NRXN1: variants seen among roughly 807,000 people sequenced by gnomAD.
NRXN1 encodes neurexin-1.
Under a neutral mutation model 150.9 loss-of-function variants are expected in NRXN1, and 39 were observed. That is an observed-to-expected ratio of 0.26 (90% CI 0.20 to 0.34). NRXN1 has a LOEUF of 0.34. Among genes scored for constraint, NRXN1 ranks in the 10% least tolerant of loss-of-function variants. The pLI, the probability that NRXN1 is intolerant of heterozygous loss-of-function variation, is 1.00. For synonymous variants in NRXN1, 924 were observed against 757.0 expected, an observed-to-expected ratio of 1.22 and a Z score of -3.62; for missense variants, 1,815 against 1,949.9, an observed-to-expected ratio of 0.93 and a Z score of 1.30.
chr2:49,939,450 T>C (rs1339708507), intron 22 of NRXN1, among the ~76,000 whole-genome samples: 1 of 152,172 alleles, frequency 6.6e-6, no homozygotes, highest in East Asian at 1.9e-4. Context: ...TTTTGTATTC[T>C]GAAGCCATCC....
chr2:51,028,079 G>T lies in NRXN1; in HGVS notation c.195C>A (p.Gly65=). 1 of 1,589,896 alleles carries T rather than the reference G, an allele frequency of 6.3e-7. No homozygotes were observed. Among genetic ancestry groups the T allele is most frequent in the Non-Finnish European group, 8.5e-7 (1 of 1,171,464 alleles). Residue 65 remains glycine (G), a synonymous_variant, in exon 2 of 23, where the codon GGC becomes GGA. Coordinates refer to ENST00000401669, the MANE Select transcript of NRXN1 (RefSeq NM_001330078.2). ...SFQLKTRSAR[G]LVLYFDDEGF... is the part of the protein sequence containing the mutation. ...CCTCGTCGTCGAAGTAGAGCACGAG[G>T]CCGCGGGCGCTGCGAGTCTTGAGCT...
chr2:50,517,504 CA>C (rs907014927), intron 12 of NRXN1, among the ~76,000 whole-genome samples: 3 of 152,036 alleles, frequency 2.0e-5, no homozygotes, highest in African/African-American at 7.2e-5. Context: ...TGCCTCCATT[CA>C]CTAAGAAAGG....
chr2:50,812,599 T>A (rs1668367783), intron 5 of NRXN1, among the ~76,000 whole-genome samples: 1 of 151,932 alleles, frequency 6.6e-6, no homozygotes, highest in Non-Finnish European at 1.5e-5. Flanking sequence ...CACAATTTAA[T>A]TTGGGTAGAT....
At chr2:50,682,724 G>A (rs1690588804) in intron 5 of NRXN1, among the ~76,000 whole-genome samples, 1 of 152,036 alleles carries the variant, frequency 6.6e-6, no homozygotes, top group Non-Finnish European at 1.5e-5. Context: ...TATTTCCAAG[G>A]GCCTAGCAAG....
chr2:50,575,197 T>C (rs1671233857), intron 8 of NRXN1, among the ~76,000 whole-genome samples: 1 of 152,306 alleles, frequency 6.6e-6, no homozygotes. Context: ...CAGTGCCTTT[T>C]CCCCCTCACA....
At chr2:50,676,428 G>C (rs1172504510) in intron 5 of NRXN1, among the ~76,000 whole-genome samples, 2 of 152,156 alleles carry the variant, frequency 1.3e-5, no homozygotes, top group African/African-American at 2.4e-5. Context: ...TAAGAGGATA[G>C]GTTTTAGCGT....
intron 17 of NRXN1, among the ~76,000 whole-genome samples, chr2:50,360,905 C>G (rs1472842406): frequency 6.6e-6 from 1 of 152,088 alleles, no homozygotes; most frequent in Non-Finnish European, 1.5e-5. Context: ...GAAATCATAA[C>G]AAACAGTCTC....
rs539988445 is a variant in NRXN1, at chr2:50,927,736, G to C, written c.773-1781C>G. ...TATGTATTGTAAAATAATAAAATCA[G>C]GGAATTTAGAGGAGAGTCATGTGCC... On this transcript the variant is annotated intron_variant, in intron 2 of 22. Transcript: ENST00000401669. Among the ~76,000 whole-genome samples the C allele has an allele frequency of 1.7e-3, 253 of 152,046 alleles. 1 individual carries two copies. The highest frequency in any genetic ancestry group is 6.0e-3 in the African/African-American group (248 of 41,528).
chr2:50,554,298 G>A (rs191864350), intron 8 of NRXN1: 10 of 152,214 alleles, frequency 6.6e-5, no homozygotes, highest in African/African-American at 2.2e-4. Flanking sequence ...CCAAGACAAC[G>A]CAGCAGTTAT....
intron 17 of NRXN1, among the ~76,000 whole-genome samples, chr2:50,353,455 T>G (rs1047331668): frequency 2.0e-5 from 3 of 152,106 alleles, no homozygotes; most frequent in African/African-American, 4.8e-5. Flanking sequence ...CGTGACAACA[T>G]GAGACTGGAG....
chr2:51,004,591 C>A (rs77851517), intron 2 of NRXN1, among the ~76,000 whole-genome samples: 1 of 151,848 alleles, frequency 6.6e-6, no homozygotes, highest in South Asian at 2.1e-4. Context: ...TGCAGTGAGC[C>A]GAGATCATGT....
At chr2:50,688,291 A>G (rs746006668) in intron 5 of NRXN1, among the ~76,000 whole-genome samples, 1 of 152,168 alleles carries the variant, frequency 6.6e-6, no homozygotes, top group Non-Finnish European at 1.5e-5. Context: ...ATATCAATAC[A>G]TCACCACCAC....
chr2:50,787,150 G>A (rs533702680), intron 5 of NRXN1, among the ~76,000 whole-genome samples: 3 of 152,114 alleles, frequency 2.0e-5, no homozygotes, highest in Admixed American at 1.3e-4. Context: ...GGAGAGCTTC[G>A]TGAAGAGGAT....
At chr2:50,947,882 G>C (rs1205659294) in intron 2 of NRXN1, among the ~76,000 whole-genome samples, 1 of 151,840 alleles carries the variant, frequency 6.6e-6, no homozygotes, top group Non-Finnish European at 1.5e-5. Flanking sequence ...ATCACGCTGA[G>C]TATCAATTTG....
intron 17 of NRXN1, among the ~76,000 whole-genome samples, chr2:50,369,911 G>T (rs2079889110): frequency 6.6e-6 from 1 of 151,948 alleles, no homozygotes; most frequent in Non-Finnish European, 1.5e-5. Context: ...TGTGAACTAA[G>T]CAAATTAGAG....
At chr2:50,133,361 G>A (rs1247232514) in intron 18 of NRXN1, among the ~76,000 whole-genome samples, 1 of 141,498 alleles carries the variant, frequency 7.1e-6, no homozygotes, top group African/African-American at 2.6e-5. Flanking sequence ...GAGGTCTGAA[G>A]AAAACTTAAT....
intron 2 of NRXN1, among the ~76,000 whole-genome samples, chr2:50,950,944 T>C (rs1369611927): frequency 6.6e-6 from 1 of 152,216 alleles, no homozygotes; most frequent in Non-Finnish European, 1.5e-5. Context: ...GTCATGGCTG[T>C]TTGGAAAGCT....
chr2:49,997,342 T>C (rs1198253287), intron 21 of NRXN1, among the ~76,000 whole-genome samples: 1 of 152,184 alleles, frequency 6.6e-6, no homozygotes, highest in Non-Finnish European at 1.5e-5. Flanking sequence ...TCAGGGTATT[T>C]TGACATAGGT....
At chr2:50,247,433 G>C (rs922914138) in intron 17 of NRXN1, among the ~76,000 whole-genome samples, 1 of 152,136 alleles carries the variant, frequency 6.6e-6, no homozygotes. Context: ...ACCTTAACCA[G>C]GTGATCAAAG....
Sources: gnomAD v4.1 joint callset for allele counts (sites outside exome capture counted in the v4.1 genomes callset) on GRCh38, gnomAD v4.1.1 for gene constraint, MANE v1.5 for transcripts, NCBI Gene and HGNC (gene_info 2026-07-23, HGNC 2026-07-21) for gene names.